Variants in HIVEP3 observed in about 807,000 individuals in gnomAD.
HIVEP3 encodes the protein transcription factor HIVEP3.
A neutral mutation model predicts 152.8 loss-of-function variants in HIVEP3; 49 were observed. The observed-to-expected ratio is 0.32, with a 90% CI of 0.26 to 0.41. HIVEP3 has a LOEUF of 0.41. Ranked by LOEUF, HIVEP3 falls within the 10% of genes least tolerant of loss-of-function variation. HIVEP3 has a pLI of 1.00. For synonymous variants in HIVEP3, 1,269 were observed against 1,289.0 expected (o/e 0.98, Z 0.33); for missense variants, 2,790 against 3,103.3 (o/e 0.90, Z 2.40).
intron 5 of HIVEP3, chr1:41,535,357 G>A (rs982321650): frequency 1.3e-5 from 2 of 152,250 alleles, no homozygotes; most frequent in African/African-American, 4.8e-5. Flanking sequence ...GGAACACCAT[G>A]ATGGGGGTCC....
chr1:41,888,268 G>A (rs1027920279), intron 1 of HIVEP3, among the ~76,000 whole-genome samples: 12 of 145,346 alleles, frequency 8.3e-5, no homozygotes, highest in East Asian at 2.0e-4. Flanking sequence ...TAGCCAGGAT[G>A]GTCTCAATCT....
intron 1 of HIVEP3, among the ~76,000 whole-genome samples, chr1:42,018,045 A>T (rs1032272522): frequency 1.3e-5 from 2 of 152,108 alleles, no homozygotes; most frequent in African/African-American, 4.8e-5. Context: ...TATAACTTTT[A>T]ACATATTTGT....
intron 6 of HIVEP3, among the ~76,000 whole-genome samples, chr1:41,522,848 G>A (rs1365209493): frequency 6.6e-6 from 1 of 152,224 alleles, no homozygotes; most frequent in Non-Finnish European, 1.5e-5. Flanking sequence ...CAGGCTGCGT[G>A]TGGGGCACAG....
intron 1 of HIVEP3, among the ~76,000 whole-genome samples, chr1:41,702,311 T>G (rs990381292): frequency 6.6e-6 from 1 of 152,186 alleles, no homozygotes; most frequent in African/African-American, 2.4e-5. Context: ...GTCCCTCTAC[T>G]AGGGTATACA....
At chr1:42,005,216 A>G (rs1645451696) in intron 1 of HIVEP3, among the ~76,000 whole-genome samples, 1 of 152,146 alleles carries the variant, frequency 6.6e-6, no homozygotes, top group Non-Finnish European at 1.5e-5. Flanking sequence ...CTAAAGATCT[A>G]TATAATTCAC....
At chr1:41,812,883 G>A (rs2124330248) in intron 1 of HIVEP3, among the ~76,000 whole-genome samples, 1 of 146,092 alleles carries the variant, frequency 6.8e-6, no homozygotes, top group African/African-American at 2.5e-5. Context: ...GATGGGTGGA[G>A]GGGGTGGGGG....
At chr1:41,817,435 G>A (rs1211486610) in intron 1 of HIVEP3, among the ~76,000 whole-genome samples, 2 of 152,174 alleles carry the variant, frequency 1.3e-5, no homozygotes. Context: ...GGGTGGAAGT[G>A]AGCCAGAGGT....
At chr1:41,527,533 C>G (rs1643030554) in intron 5 of HIVEP3, among the ~76,000 whole-genome samples, 1 of 134,920 alleles carries the variant, frequency 7.4e-6, no homozygotes, top group African/African-American at 2.8e-5. Context: ...ACATGCTCAC[C>G]CTCACGTATA....
chr1:41,776,746 T>G (rs1271007317), intron 1 of HIVEP3, among the ~76,000 whole-genome samples: 2 of 152,246 alleles, frequency 1.3e-5, no homozygotes, highest in Non-Finnish European at 2.9e-5. Flanking sequence ...TCTGGAGGCT[T>G]CAGAGAAGGA....
chr1:41,560,355 C>T (rs1190070595), intron 5 of HIVEP3, among the ~76,000 whole-genome samples: 1 of 152,198 alleles, frequency 6.6e-6, no homozygotes, highest in Non-Finnish European at 1.5e-5. Flanking sequence ...ACATGCCGTG[C>T]TCAGAGGGCA....
intron 3 of HIVEP3, among the ~76,000 whole-genome samples, chr1:41,590,545 T>C (rs140679653): frequency 1.3e-5 from 2 of 152,154 alleles, no homozygotes; most frequent in Non-Finnish European, 2.9e-5. Flanking sequence ...CAAGGAACAG[T>C]GGGACAAGAA....
intron 1 of HIVEP3, among the ~76,000 whole-genome samples, chr1:41,762,161 C>T (rs1015756036): frequency 3.9e-5 from 6 of 152,168 alleles, no homozygotes; most frequent in Non-Finnish European, 5.9e-5. Flanking sequence ...ATAAAAGCCC[C>T]GGACCCAGCC....
intron 3 of HIVEP3, among the ~76,000 whole-genome samples, chr1:41,614,686 T>G (rs968828422): frequency 1.3e-5 from 2 of 151,920 alleles, no homozygotes; most frequent in African/African-American, 4.8e-5. Flanking sequence ...CCAGGGGAAA[T>G]GAAAGACCAG....
At chr1:41,610,045 G>A (rs1644876606) in intron 3 of HIVEP3, among the ~76,000 whole-genome samples, 1 of 152,200 alleles carries the variant, frequency 6.6e-6, no homozygotes, top group South Asian at 2.1e-4. Flanking sequence ...GATGTCTGCA[G>A]ACTACCTTTA....
In HIVEP3 at chr1:41,977,712, A is replaced by G. The variant is rs554645312; in HGVS notation, n.119+58095T>C. The stretch of plus-strand genomic sequence containing the variant: ...TGCTGTGAGAGGACCAGATGCTGTG[A>G]GACCCACAGCATAAGTGACACATTC... On this transcript the variant is annotated intron_variant and non_coding_transcript_variant, in intron 1 of 3. Coordinates refer to the HIVEP3 transcript ENST00000489103. Among the ~76,000 whole-genome samples, 231 of 152,348 alleles carry G rather than the reference A, an allele frequency of 1.5e-3. 1 individual carries two copies. The Middle Eastern group carries it at 0.02, about 13-fold the overall frequency.
At chr1:41,543,769 G>C (rs1385365081) in intron 5 of HIVEP3, 1 of 152,278 alleles carries the variant, frequency 6.6e-6, no homozygotes, top group African/African-American at 2.4e-5. Flanking sequence ...ATGAGGTGGA[G>C]GCTGCTATAG....
chr1:41,544,709 CACTACCACCTGTACCACCACCGCT>C (rs2149072316), intron 5 of HIVEP3, among the ~76,000 whole-genome samples: 1 of 147,670 alleles, frequency 6.8e-6, no homozygotes, highest in Admixed American at 6.7e-5. Flanking sequence ...TCACCACCAC[CACTACCACCTGTACCACCACCGCT>C]ACCATCACCA....
At chr1:41,961,670 T>G (rs1352009948) in intron 1 of HIVEP3, among the ~76,000 whole-genome samples, 1 of 152,240 alleles carries the variant, frequency 6.6e-6, no homozygotes, top group Non-Finnish European at 1.5e-5. Context: ...TGCAATTGTG[T>G]GGGATTGCAT....
intron 1 of HIVEP3, among the ~76,000 whole-genome samples, chr1:41,879,270 G>C (rs1644223818): frequency 6.6e-6 from 1 of 152,188 alleles, no homozygotes; most frequent in Non-Finnish European, 1.5e-5. Context: ...CCTACATGAA[G>C]GTGGCCTCTC....
Sources: gnomAD v4.1 joint callset for allele counts (sites outside exome capture counted in the v4.1 genomes callset) on GRCh38, gnomAD v4.1.1 for gene constraint, MANE v1.5 for transcripts, NCBI Gene and HGNC (gene_info 2026-07-23, HGNC 2026-07-21) for gene names.